The following GPI variants were observed in gnomAD, a reference collection of about 807,000 sequenced individuals.
GPI encodes the protein glucose-6-phosphate isomerase.
A neutral mutation model predicts 75.8 loss-of-function variants in GPI; 56 were observed. The ratio of observed to expected loss-of-function variants is 0.74; its 90% CI spans 0.60 to 0.92. The LOEUF (loss-of-function observed/expected upper bound fraction) is 0.92. Among genes scored for constraint, GPI ranks in the 40% least tolerant of loss-of-function variants. The pLI is 0.00. For missense variants in GPI, 638 were observed against 741.0 expected, an observed-to-expected ratio of 0.86 and a Z score of 1.61; for synonymous variants, 288 against 285.4, an observed-to-expected ratio of 1.01 and a Z score of -0.09.
At chr19:34,392,077 G>T (rs76052791) in intron 9 of GPI, 33 of 1,008 alleles carry the variant, frequency 0.033, no homozygotes, top group East Asian at 0.059. Flanking sequence ...ATCTGGGTCT[G>T]TTAATGTCTG....
chr19:34,368,991 A>G (rs16969249), intron 4 of GPI, among the ~76,000 whole-genome samples: 1 of 152,000 alleles, frequency 6.6e-6, no homozygotes, highest in African/African-American at 2.4e-5. Context: ...AGAGGCTTCA[A>G]ATGAAAAGTG....
At chr19:34,385,191 A>G (rs944008086) in intron 9 of GPI, among the ~76,000 whole-genome samples, 3 of 152,078 alleles carry the variant, frequency 2.0e-5, no homozygotes, top group African/African-American at 4.8e-5. Context: ...CTACTAAAAA[A>G]TACAAAAATT....
chr19:34,396,462 T>C (rs1568349465), intron 13 of GPI, 32 bp downstream of exon 13: 2 of 1,613,794 alleles, frequency 1.2e-6, no homozygotes, highest in Non-Finnish European at 1.7e-6. Context: ...AGGGTGATGT[T>C]GGGGGAGGGA....
At chr19:34,389,844 G>GTA (rs1384280507) in intron 9 of GPI, among the ~76,000 whole-genome samples, 1 of 152,186 alleles carries the variant, frequency 6.6e-6, no homozygotes, top group Non-Finnish European at 1.5e-5. Flanking sequence ...ATTATTTGAT[G>GTA]TACGTCTCTC....
At chr19:34,379,767 T>G in intron 8 of GPI, 1 of 672,306 alleles carries the variant, frequency 1.5e-6, no homozygotes, top group Admixed American at 2.1e-5. Context: ...GGAGGGAGGC[T>G]TGGAGTCAGT....
chr19:34,382,334 A>G (rs1408799331), intron 9 of GPI, among the ~76,000 whole-genome samples: 1 of 152,154 alleles, frequency 6.6e-6, no homozygotes, highest in Non-Finnish European at 1.5e-5. Context: ...TTGCTTGGTG[A>G]TGGCATCCAC....
chr19:34,388,910 G>A (rs1446085704), intron 9 of GPI, among the ~76,000 whole-genome samples: 1 of 151,864 alleles, frequency 6.6e-6, no homozygotes, highest in Non-Finnish European at 1.5e-5. Context: ...CTGGACAACA[G>A]AGCAAGACCC....
chr19:34,392,194 T>TGGGATCTGGCACAAGTATAAGGATC (rs1402050175), intron 9 of GPI: 1 of 50,766 alleles, frequency 2.0e-5, no homozygotes, highest in Non-Finnish European at 4.0e-5. Context: ...TCTGAGGAGG[T>TGGGATCTGGCACAAGTATAAGGATC]TGGATCTGGC....
chr19:34,382,292 G>C lies in GPI; in HGVS notation c.804+773G>C, dbSNP rs750640500. On this transcript the variant is annotated intron_variant, in intron 9 of 17. Coordinates refer to ENST00000356487, the MANE Select transcript of GPI (RefSeq NM_000175.5). ...CCCATTTGGTGGTTTTCCCACCTGG[G>C]GCTGTCTCCAGGCATTTGGACCAGA... Among the ~76,000 whole-genome samples the C allele has an allele frequency of 1.6e-4, 24 of 152,154 alleles. 1 individual carries two copies. Among genetic ancestry groups the C allele is most frequent in the Non-Finnish European group, 2.8e-4 (19 of 68,028 alleles).
intron 9 of GPI, among the ~76,000 whole-genome samples, chr19:34,388,927 TA>T (rs2074779633): frequency 6.6e-6 from 1 of 151,780 alleles, no homozygotes. Flanking sequence ...ACCCCATCTC[TA>T]CAAAAAATTT....
At chr19:34,379,476 C>T (rs371685124) in intron 7 of GPI, 42 bp from the exon 8 acceptor site, 460 of 1,590,794 alleles carry the variant, frequency 2.9e-4, no homozygotes, top group Non-Finnish European at 3.8e-4. Context: ...TACCCTTTGT[C>T]TCCCTGGGCT....
chr19:34,393,173 G>A lies in GPI; in HGVS notation c.805-75G>A, dbSNP rs887907184. The A allele has an allele frequency of 8.4e-6, 10 of 1,195,628 alleles. No homozygotes were observed. The highest frequency in any genetic ancestry group is 1.3e-5 in the Non-Finnish European group (10 of 799,480). 74.1% of individuals were successfully genotyped at this position (1,195,628 alleles called of 1,614,324 possible). On this transcript the variant is annotated intron_variant, in intron 9 of 17. Transcript: ENST00000356487. The surrounding 1 kb of genome is among the most constrained non-coding windows in gnomAD (Gnocchi z 4.4). ...CCGAGACGCCCCTGTGCAAGACCAGGGACAGGGTTTCCGGCAGGAGGTGGG... is the reference window on the plus strand; with the variant it reads ...CCGAGACGCCCCTGTGCAAGACCAGAGACAGGGTTTCCGGCAGGAGGTGGG...
rs781075246 is a variant in GPI, at chr19:34,366,945, T to C, written c.282+94T>C. ...CATCACCCTGTGTCTTCACCCCTTC[T>C]CTTGGGCAATGCTTTTGCTTAATGA... On this transcript the variant is annotated intron_variant, in intron 3 of 17. Transcript: ENST00000356487. 7 of 955,882 alleles carry C rather than the reference T, an allele frequency of 7.3e-6. No individual in the cohort carries two copies. The South Asian group carries it at 9.1e-5, about 12-fold the overall frequency. The allele number at this position is 955,882 out of a possible 1,614,324, so 59.2% of individuals were successfully genotyped here.
Position 34,380,243 on chromosome 19 carries a change from A to T in GPI, c.750+681A>T, listed in dbSNP as rs1326704338. Among the ~76,000 whole-genome samples the T allele has an allele frequency of 2.0e-5, 3 of 151,084 alleles. No homozygotes were observed. The East Asian group carries it at 5.9e-4, about 30-fold the overall frequency. On this transcript the variant is annotated intron_variant, in intron 8 of 17. Coordinates refer to ENST00000356487, the MANE Select transcript of GPI (RefSeq NM_000175.5). ...ACTCCTGACCTTAAGTGATCTGCCC[A>T]CCTCAGCCTCCCAAAGTGCTGGGAT...
intron 4 of GPI, among the ~76,000 whole-genome samples, chr19:34,373,030 C>T (rs979990202): frequency 6.6e-6 from 1 of 152,120 alleles, no homozygotes; most frequent in Non-Finnish European, 1.5e-5. Flanking sequence ...CCTCAGCCTC[C>T]CAAAGTGCTG....
Position 34,385,638 on chromosome 19 carries a change from T to C in GPI, c.804+4119T>C, listed in dbSNP as rs1324992310. ...TGTGTTCATGAGACCTAAAAAGTCA[T>C]AGTCAAGCCCAGGTAAGAAGAACCA... On this transcript the variant is annotated intron_variant, in intron 9 of 17. Transcript: ENST00000356487. Among the ~76,000 whole-genome samples, 4 of 152,114 alleles carry C rather than the reference T, an allele frequency of 2.6e-5. No individual in the cohort carries two copies. The East Asian group carries it at 7.7e-4, about 29-fold the overall frequency.
At chr19:34,382,993 G>A (rs778289000) in intron 9 of GPI, among the ~76,000 whole-genome samples, 21 of 152,174 alleles carry the variant, frequency 1.4e-4, no homozygotes, top group Non-Finnish European at 2.8e-4. Context: ...TGCAGGTGGG[G>A]TCTCGGGTGA....
Position 34,379,572 on chromosome 19 carries a change from C to T in GPI, c.750+10C>T, listed in dbSNP as rs2074609510. On this transcript the variant is annotated intron_variant, in intron 8 of 17. Transcript: ENST00000356487. Reference sequence around the variant, plus strand: ...CCTGTCTACTAACACAGTAAGTGCCCCCGTGGTCCCCTGTACTGCCTTCCT... The same window carrying T: ...CCTGTCTACTAACACAGTAAGTGCCTCCGTGGTCCCCTGTACTGCCTTCCT... 5.6e-6 allele frequency: 9 copies of T among 1,610,280 alleles called. No homozygotes were observed. The highest frequency in any genetic ancestry group is 7.6e-6 in the Non-Finnish European group (9 of 1,176,474).
intron 1 of GPI, chr19:34,365,958 T>C (rs1568323864): frequency 4.0e-6 from 2 of 501,036 alleles, no homozygotes; most frequent in Middle Eastern, 3.0e-4. Context: ...TGATCACTGA[T>C]ACTGGTGGAG....
Sources: gnomAD v4.1 joint callset for allele counts (sites outside exome capture counted in the v4.1 genomes callset) on GRCh38, gnomAD v4.1.1 for gene constraint, Gnocchi (gnomAD v3.1) non-coding constraint, MANE v1.5 for transcripts, NCBI Gene and HGNC (gene_info 2026-07-23, HGNC 2026-07-21) for gene names.